Variants in ALDH1L1 observed in about 807,000 individuals in gnomAD.
The protein encoded by ALDH1L1 is cytosolic 10-formyltetrahydrofolate dehydrogenase.
A neutral mutation model predicts 101.1 loss-of-function variants in ALDH1L1; 68 were observed. The observed-to-expected ratio is 0.67, with a 90% confidence interval of 0.55 to 0.82. The LOEUF is 0.82. Ranked by LOEUF, ALDH1L1 falls within the 40% of genes least tolerant of loss-of-function variation. The probability of loss-of-function intolerance (pLI) is 0.00; values close to 1 mark genes in which losing one functional copy is unlikely to be tolerated. For synonymous variants in ALDH1L1, 486 were observed against 470.8 expected (o/e 1.03, Z -0.42); for missense variants, 1,087 against 1,172.7 (o/e 0.93, Z 1.07).
At chr3:126,180,701 G>A (rs1466208847), upstream of ALDH1L1, 3 of 1,387,664 alleles carry the variant, frequency 2.2e-6, no homozygotes, top group Non-Finnish European at 2.8e-6. Context: ...ACTATGGCGG[G>A]AGCGCAGCGC....
At position 126,131,504 on chromosome 3, in the gene ALDH1L1, C is replaced by T. The variant is rs2080304833; in HGVS notation, c.1503G>A (p.Glu501=). Residue 501 remains glutamate (E), a synonymous_variant, in exon 13 of 23, where the codon GAG becomes GAA. Coordinates refer to ENST00000393434, the MANE Select transcript of ALDH1L1 (RefSeq NM_012190.4). ...CCAGGGCCTCAATGGTGGCCAGCTCCTCCTGGTGCTGCTCCATGAGATCTG... is the reference window on the plus strand; with the variant it reads ...CCAGGGCCTCAATGGTGGCCAGCTCTTCCTGGTGCTGCTCCATGAGATCTG... The part of the protein sequence containing the change: ...RLADLMEQHQ[E]ELATIEALDA... The T allele has an allele frequency of 2.5e-6, 4 of 1,612,392 alleles. No homozygotes were observed. The highest frequency in any genetic ancestry group is 2.7e-5 in the African/African-American group (2 of 74,922).
chr3:126,135,233 C>A, intron 12 of ALDH1L1: 1 of 274,578 alleles, frequency 3.6e-6, no homozygotes, highest in Non-Finnish European at 6.9e-6. Context: ...CCTGGGAGGC[C>A]CAGCCTGCGC....
chr3:126,194,102 C>T (rs918887777), intron 1 of ALDH1L1, among the ~76,000 whole-genome samples: 6 of 152,148 alleles, frequency 3.9e-5, no homozygotes, highest in African/African-American at 7.2e-5. Context: ...ACTTTAAATA[C>T]TAATAGTCAA....
Position 126,135,604 on chromosome 3 carries a change from G to A in ALDH1L1, c.1403C>T (p.Ala468Val). ...CCGTCCATTCTCAAAGGCATCCTTG[G>A]CTGCGGCCACTGCCTTGTCGACGTC... ...VTDVDKAVAA[A>V]KDAFENGRWG... The change falls in exon 12 of 23, where the codon GCC (alanine) becomes GTC (valine). Residue 468 changes from alanine (A) to valine (V), a missense_variant. Coordinates refer to ENST00000393434, the MANE Select transcript of ALDH1L1 (RefSeq NM_012190.4). The A allele has an allele frequency of 6.3e-7, 1 of 1,597,506 alleles. No individual in the cohort carries two copies. Among genetic ancestry groups the A allele is most frequent in the Non-Finnish European group, 8.5e-7 (1 of 1,172,338 alleles).
At chr3:126,161,522 CT>C (rs1439055537) in intron 1 of ALDH1L1, among the ~76,000 whole-genome samples, 1 of 152,158 alleles carries the variant, frequency 6.6e-6, no homozygotes, top group African/African-American at 2.4e-5. Context: ...GAAAAGGGGC[CT>C]GCGTGGGGGC....
chr3:126,193,127 G>T (rs13325761), intron 1 of ALDH1L1, among the ~76,000 whole-genome samples: 27,524 of 152,178 alleles, frequency 0.18, 2,592 homozygotes, highest in South Asian at 0.21. Flanking sequence ...TACTAAGTTA[G>T]GTTACAGTTC....
intron 10 of ALDH1L1, 45 bp from the exon 11 acceptor site, chr3:126,136,928 C>G: frequency 6.2e-7 from 1 of 1,610,424 alleles, no homozygotes; most frequent in East Asian, 2.2e-5. Flanking sequence ...ATGCAGGGTG[C>G]AGGAAGCATA....
rs2080968512 is a variant in ALDH1L1 at position 126,158,575 on chromosome 3, C to T, written c.192G>A (p.Gln64=). 2 of 1,614,208 alleles carry T rather than the reference C, an allele frequency of 1.2e-6. No homozygotes were observed. The highest frequency in any genetic ancestry group is 8.5e-7 in the Non-Finnish European group (1 of 1,180,022). ...FKYSRWRAKG[Q]ALPDVVAKYQ... ...ATTTTGCCACCACATCAGGCAAAGC[C>T]TGTCCTTTTGCACGCCACCGGGAGT... The change falls in exon 3 of 23, where the codon CAG becomes CAA. Residue 64 remains glutamine, a synonymous_variant. Coordinates refer to ENST00000393434, the MANE Select transcript of ALDH1L1 (RefSeq NM_012190.4).
chr3:126,154,677 C>T (rs1346425072), intron 5 of ALDH1L1, 34 bp from the exon 6 acceptor site: 2 of 1,593,276 alleles, frequency 1.3e-6, no homozygotes, highest in Non-Finnish European at 1.7e-6. Context: ...CTCAGCTGGT[C>T]TCTCCTCACT....
chr3:126,136,732 A>G, intron 11 of ALDH1L1, 32 bp downstream of exon 11: 5 of 1,554,216 alleles, frequency 3.2e-6, no homozygotes. Flanking sequence ...AGGCTGGGGA[A>G]TGTGGAGAAG....
At chr3:126,151,228 A>G (rs1346014958) in intron 7 of ALDH1L1, 1 of 152,250 alleles carries the variant, frequency 6.6e-6, no homozygotes. Flanking sequence ...TAATCTTGCA[A>G]TCACCCAGTA....
chr3:126,173,546 GAAAC>G (rs2081320741), intron 1 of ALDH1L1, among the ~76,000 whole-genome samples: 1 of 152,086 alleles, frequency 6.6e-6, no homozygotes, highest in Non-Finnish European at 1.5e-5. Context: ...GAAGAAAAAA[GAAAC>G]AAAGGGCAAA....
In ALDH1L1 at chr3:126,180,509, G is replaced by A. The variant is rs2081456494; in HGVS notation, c.-57C>T. 2.0e-6 allele frequency: 2 copies of A among 1,010,812 alleles called. No individual in the cohort carries two copies. The highest frequency in any genetic ancestry group is 1.7e-5 in the African/African-American group (1 of 58,222). The allele number at this position is 1,010,812 out of a possible 1,614,324, so 62.6% of individuals were successfully genotyped here. Reference sequence around the variant, plus strand: ...GGAGTTGGTGCGGGCGTCCCGGGCAGGTTAGACTTCTGTGAGCCGCAGCCC... The same window carrying A: ...GGAGTTGGTGCGGGCGTCCCGGGCAAGTTAGACTTCTGTGAGCCGCAGCCC... On this transcript the variant is annotated 5_prime_UTR_variant, in exon 1 of 23. Coordinates refer to ENST00000393434, the MANE Select transcript of ALDH1L1 (RefSeq NM_012190.4).
intron 1 of ALDH1L1, among the ~76,000 whole-genome samples, chr3:126,167,018 C>G (rs2081182265): frequency 6.6e-6 from 1 of 152,104 alleles, no homozygotes; most frequent in Non-Finnish European, 1.5e-5. Flanking sequence ...ATTTTTTATA[C>G]TTAAAATACT....
chr3:126,181,137 C>A, upstream of ALDH1L1: 2 of 793,494 alleles, frequency 2.5e-6, no homozygotes, highest in Non-Finnish European at 2.1e-6. Context: ...TTTCTCTCTG[C>A]AATTCCCCTT....
chr3:126,130,963 A>C (rs1485557744), intron 13 of ALDH1L1, among the ~76,000 whole-genome samples: 1 of 152,222 alleles, frequency 6.6e-6, no homozygotes, highest in East Asian at 1.9e-4. Flanking sequence ...AAGCAGGCAG[A>C]AGACAGTGTC....
intron 21 of ALDH1L1, among the ~76,000 whole-genome samples, chr3:126,106,166 C>T (rs1037587789): frequency 6.6e-6 from 1 of 152,178 alleles, no homozygotes; most frequent in Non-Finnish European, 1.5e-5. Context: ...GCCCTTTATT[C>T]CACAGACTGG....
intron 1 of ALDH1L1, among the ~76,000 whole-genome samples, chr3:126,191,531 G>C (rs1279369300): frequency 6.6e-6 from 1 of 152,226 alleles, no homozygotes; most frequent in Non-Finnish European, 1.5e-5. Flanking sequence ...GCCTACTCCT[G>C]ACTGCCCTCC....
intron 12 of ALDH1L1, among the ~76,000 whole-genome samples, chr3:126,132,511 C>A (rs187561834): frequency 2.0e-4 from 31 of 152,310 alleles, no homozygotes; most frequent in Non-Finnish European, 2.9e-5. Flanking sequence ...CTCCCTCCTC[C>A]TCCTCACATC....
Sources: allele counts gnomAD v4.1 joint callset (sites outside exome capture counted in the v4.1 genomes callset), GRCh38; gene constraint gnomAD v4.1.1; transcripts MANE v1.5; gene names NCBI Gene and HGNC (gene_info 2026-07-23, HGNC 2026-07-21).